ZNF600: variants seen among roughly 807,000 people sequenced by gnomAD.
ZNF600 encodes the protein zinc finger protein KR-ZNF1.
In ZNF600, 4 loss-of-function variants were observed where a neutral mutation model predicts 7.3. The observed-to-expected ratio is 0.55, with a 90% CI of 0.27 to 1.25. The LOEUF (loss-of-function observed/expected upper bound fraction) is 1.25, where lower values mean the gene tolerates loss of function less well. Among genes scored for constraint, ZNF600 ranks in the 50% most tolerant of loss-of-function variants. The probability of loss-of-function intolerance (pLI) is 0.12; values close to 1 mark genes in which losing one functional copy is unlikely to be tolerated. For synonymous variants in ZNF600, 290 were observed against 308.9 expected (o/e 0.94, Z 0.64); for missense variants, 911 against 922.1 (o/e 0.99, Z 0.16).
At chr19:52,775,226 T>A (rs2062664700) in intron 2 of ZNF600, among the ~76,000 whole-genome samples, 1 of 145,276 alleles carries the variant, frequency 6.9e-6, no homozygotes, top group Admixed American at 7.0e-5. Flanking sequence ...GGCAACAGAC[T>A]GACACTCCAT....
exon 2 of ZNF600, chr19:52,778,867 G>T: frequency 6.2e-7 from 1 of 1,606,722 alleles, no homozygotes; most frequent in Non-Finnish European, 8.5e-7. Flanking sequence ...TTCCTCTTCT[G>T]AGCTGCTTCT....
the ZNF600 span, among the ~76,000 whole-genome samples, chr19:52,792,801 C>G: frequency 6.6e-6 from 1 of 151,324 alleles, no homozygotes; most frequent in Non-Finnish European, 1.5e-5. Context: ...GTTAGGATCT[C>G]GGCTCACTGC....
At chr19:52,819,034 G>GA in the ZNF600 span, among the ~76,000 whole-genome samples, 1 of 142,444 alleles carries the variant, frequency 7.0e-6, no homozygotes, top group African/African-American at 2.7e-5. Flanking sequence ...ATCTGAAGGA[G>GA]AAAGGGACAG....
At chr19:52,784,147 G>C (rs1412758172) in intron 1 of ZNF600, among the ~76,000 whole-genome samples, 1 of 152,134 alleles carries the variant, frequency 6.6e-6, no homozygotes, top group Non-Finnish European at 1.5e-5. Context: ...CCAGTACTTT[G>C]CAAGGCCAAG....
the ZNF600 span, among the ~76,000 whole-genome samples, chr19:52,796,582 G>A: frequency 1.3e-5 from 2 of 152,158 alleles, no homozygotes; most frequent in African/African-American, 4.8e-5. Context: ...TCCTCCCAAT[G>A]CAGTCTCCAC....
intron 1 of ZNF600, among the ~76,000 whole-genome samples, chr19:52,782,495 C>T (rs926839156): frequency 1.3e-5 from 2 of 151,486 alleles, no homozygotes; most frequent in African/African-American, 4.9e-5. Context: ...TGCACTTCAG[C>T]CTGGGCAACA....
At chr19:52,782,262 G>C (rs749808061) in intron 1 of ZNF600, among the ~76,000 whole-genome samples, 2 of 152,100 alleles carry the variant, frequency 1.3e-5, no homozygotes, top group Non-Finnish European at 2.9e-5. Flanking sequence ...AGCAGCTCAT[G>C]CCTGTAATCA....
At chr19:52,807,896 T>C in the ZNF600 span, 1 of 1,535,554 alleles carries the variant, frequency 6.5e-7, no homozygotes, top group Non-Finnish European at 8.9e-7. Context: ...AGCTTTTCAT[T>C]TCAAAATCAA....
At chr19:52,807,557 C>T in the ZNF600 span, among the ~76,000 whole-genome samples, 2 of 152,286 alleles carry the variant, frequency 1.3e-5, no homozygotes, top group East Asian at 3.9e-4. Context: ...CAATGCAAAA[C>T]TTGGCCTCCT....
At chr19:52,833,206 C>T in the ZNF600 span, among the ~76,000 whole-genome samples, 1 of 152,292 alleles carries the variant, frequency 6.6e-6, no homozygotes, top group African/African-American at 2.4e-5. Flanking sequence ...TGTAGTTTCT[C>T]TGATCTGGTC....
chr19:52,821,961 G>A, the ZNF600 span, among the ~76,000 whole-genome samples: 77 of 151,336 alleles, frequency 5.1e-4, 1 homozygote, highest in Admixed American at 2.6e-3. Flanking sequence ...TGCGAGACAG[G>A]GATACAACAT....
At chr19:52,771,794 G>C (rs1433580980) in intron 3 of ZNF600, among the ~76,000 whole-genome samples, 7 of 151,970 alleles carry the variant, frequency 4.6e-5, no homozygotes, top group Admixed American at 4.6e-4. Flanking sequence ...TTTTAATTTA[G>C]TAGATTCAAG....
chr19:52,767,888 T>C, intron 3 of ZNF600, 116 bp from the exon 6 acceptor site: 1 of 1,397,244 alleles, frequency 7.2e-7, no homozygotes, highest in Non-Finnish European at 9.5e-7. Context: ...AATATCATCT[T>C]CAAAGTTTAG....
chr19:52,787,401 C>CTTTTT (rs1167453014), upstream of ZNF600, among the ~76,000 whole-genome samples: 12 of 114,824 alleles, frequency 1.0e-4, no homozygotes, highest in Non-Finnish European at 1.2e-4. Flanking sequence ...CGCTCTTTTA[C>CTTTTT]TTTTTTTTTT....
At chr19:52,781,632 G>T (rs2062722481) in intron 1 of ZNF600, among the ~76,000 whole-genome samples, 168 bp from the exon 2 acceptor site, 1 of 152,116 alleles carries the variant, frequency 6.6e-6, no homozygotes, top group African/African-American at 2.4e-5. Context: ...CAGGCATCAT[G>T]GCATGCATCT....
At chr19:52,794,984 C>A in the ZNF600 span, among the ~76,000 whole-genome samples, 2 of 152,230 alleles carry the variant, frequency 1.3e-5, no homozygotes, top group Admixed American at 6.5e-5. Context: ...GATTGTAATA[C>A]GTTCAAAATA....
At chr19:52,794,669 C>T in the ZNF600 span, among the ~76,000 whole-genome samples, 1 of 152,154 alleles carries the variant, frequency 6.6e-6, no homozygotes, top group East Asian at 1.9e-4. Flanking sequence ...ACGTGGGAGA[C>T]GTGGTGAAAC....
chr19:52,773,035 T>G (rs1205061978), intron 3 of ZNF600, among the ~76,000 whole-genome samples: 14 of 152,042 alleles, frequency 9.2e-5, no homozygotes, highest in African/African-American at 3.4e-4. Context: ...AGAGTAGTGT[T>G]GGAGGGGAGG....
chr19:52,809,844 G>C, the ZNF600 span: 2 of 575,340 alleles, frequency 3.5e-6, no homozygotes, highest in Non-Finnish European at 6.1e-6. Context: ...CGGCGGTGGC[G>C]GTGGTGGCAG....
Sources: allele counts gnomAD v4.1 joint callset (sites outside exome capture counted in the v4.1 genomes callset), GRCh38; gene constraint gnomAD v4.1.1; transcripts MANE v1.5; gene names NCBI Gene and HGNC (gene_info 2026-07-23, HGNC 2026-07-21).